SPON2: variants seen among roughly 807,000 people sequenced by gnomAD.
SPON2 encodes spondin 2.
SPON2 carries 32 observed loss-of-function variants against 29.9 expected under a neutral mutation model. The ratio of observed to expected loss-of-function variants is 1.07; its 90% CI spans 0.81 to 1.44. The LOEUF is 1.44. SPON2 is among the 40% of genes most tolerant of loss of function. The pLI, the probability that SPON2 is intolerant of heterozygous loss-of-function variation, is 0.00. For missense variants in SPON2, 541 were observed against 455.5 expected (o/e 1.19, Z -1.71); for synonymous variants, 248 against 209.1 (o/e 1.19, Z -1.61).
In SPON2 at chr4:1,180,380, TACA is replaced by T. The variant is rs1042626582; in HGVS notation, c.-238-842_-238-840del. Among the ~76,000 whole-genome samples, 91 of 152,242 alleles carry T rather than the reference TACA, an allele frequency of 6.0e-4. 1 individual carries two copies. Among genetic ancestry groups the T allele is most frequent in the African/African-American group, 2.0e-3 (85 of 41,568 alleles). Reference sequence around the variant, plus strand: ...TAATTCAGAAAAGTTAATAATAAACTACAACAAACTCTGGGGGAATGGAGGTGT... The same window carrying T: ...TAATTCAGAAAAGTTAATAATAAACTACAAACTCTGGGGGAATGGAGGTGT... On this transcript the variant is annotated intron_variant, in intron 1 of 3. Transcript: ENST00000502483.
upstream of SPON2, among the ~76,000 whole-genome samples, chr4:1,195,681 C>A (rs1009252972): frequency 2.6e-5 from 4 of 152,236 alleles, no homozygotes; most frequent in Non-Finnish European, 5.9e-5. Flanking sequence ...CTGGTCATGG[C>A]CAGCAGCCCT....
chr4:1,201,196 G>A (rs756967333), intron 1 of SPON2: 22 of 445,286 alleles, frequency 4.9e-5, no homozygotes, highest in East Asian at 2.1e-4. Flanking sequence ...CCCTCCCCCC[G>A]CAGTATGTGG....
chr4:1,178,497 C>T (rs1411944706), intron 2 of SPON2, among the ~76,000 whole-genome samples: 1 of 152,098 alleles, frequency 6.6e-6, no homozygotes, highest in East Asian at 1.9e-4. Flanking sequence ...CTTCAGCACC[C>T]GCTGACTTCC....
intron 5 of SPON2, among the ~76,000 whole-genome samples, chr4:1,169,416 C>T (rs1727349143): frequency 6.6e-6 from 1 of 152,164 alleles, no homozygotes; most frequent in Non-Finnish European, 1.5e-5. Flanking sequence ...CCCAGTTCAT[C>T]CCAAATGAGG....
upstream of SPON2, among the ~76,000 whole-genome samples, chr4:1,198,434 T>C (rs1728120428): frequency 1.3e-5 from 2 of 152,194 alleles, no homozygotes; most frequent in African/African-American, 4.8e-5. Context: ...TGGAAAACTC[T>C]GTAATTCATC....
intron 1 of SPON2, among the ~76,000 whole-genome samples, chr4:1,207,002 T>C (rs1464780252): frequency 1.3e-5 from 2 of 149,432 alleles, no homozygotes; most frequent in Non-Finnish European, 3.0e-5. Flanking sequence ...GATGGTGTCA[T>C]TTGGGAGTGG....
chr4:1,188,901 C>T (rs950004881), intron 1 of SPON2, among the ~76,000 whole-genome samples: 4 of 152,028 alleles, frequency 2.6e-5, no homozygotes, highest in Admixed American at 6.5e-5. Flanking sequence ...CTCAAGTGCA[C>T]GTGGAATGTC....
chr4:1,167,944 C>T (rs1267194312), intron 5 of SPON2: 7 of 345,692 alleles, frequency 2.0e-5, no homozygotes, highest in Admixed American at 4.8e-5. Flanking sequence ...GAGTAAGGGG[C>T]CCCTGGGAAC....
At chr4:1,200,671 GC>G in intron 1 of SPON2, 1 of 382,952 alleles carries the variant, frequency 2.6e-6, no homozygotes, top group Non-Finnish European at 5.3e-6. Context: ...GCCACTGCAG[GC>G]CAGGTGTGGA....
rs76791479 is a variant in SPON2, at chr4:1,182,048, G to A, written c.-238-2507C>T. Among the ~76,000 whole-genome samples, 819 of 152,228 alleles carry A rather than the reference G, an allele frequency of 5.4e-3. 7 individuals are homozygous for A. The highest frequency in any genetic ancestry group is 0.031 in the Middle Eastern group (9 of 294). ...AGAAGACCTTATGTTTGTACCTAAC[G>A]CTGACCCTTGGCACAGAGAAAGCCT... On this transcript the variant is annotated intron_variant, in intron 1 of 3. Coordinates refer to the SPON2 transcript ENST00000502483.
At chr4:1,189,543 C>T (rs1210684171) in intron 1 of SPON2, among the ~76,000 whole-genome samples, 1 of 148,036 alleles carries the variant, frequency 6.8e-6, no homozygotes, top group African/African-American at 2.5e-5. Flanking sequence ...GTCCCAGCTA[C>T]CTGGGAGGCT....
intron 1 of SPON2, among the ~76,000 whole-genome samples, chr4:1,183,871 AAAG>A (rs1727745256): frequency 6.6e-6 from 1 of 152,252 alleles, no homozygotes; most frequent in South Asian, 2.1e-4. Context: ...ACTAAACCTA[AAAG>A]AAGACAGTAA....
upstream of SPON2, among the ~76,000 whole-genome samples, chr4:1,173,495 G>C (rs888356073): frequency 1.3e-5 from 2 of 152,224 alleles, no homozygotes; most frequent in African/African-American, 2.4e-5. Context: ...CTGCCTTTGG[G>C]ATGAAGCTAA....
chr4:1,172,026 C>G lies in SPON2; in HGVS notation c.46G>C (p.Ala16Pro). The G allele has an allele frequency of 6.2e-7, 1 of 1,612,610 alleles. No individual in the cohort carries two copies. Among genetic ancestry groups the G allele is most frequent in the Non-Finnish European group, 8.5e-7 (1 of 1,179,832 alleles). The change falls in exon 2 of 6, where the codon GCT becomes CCT. Residue 16 changes from alanine to proline, a missense_variant. Physicochemically the swap from Ala to Pro is conservative, Grantham distance 27. Coordinates refer to ENST00000290902, the MANE Select transcript of SPON2 (RefSeq NM_012445.4). The stretch of plus-strand genomic sequence containing the variant: ...GCGCCGAGAGTGGCCAGGAGGAGAG[C>G]GCAGAGGGCCTTGCCCAGGGCGGCG... ...PAAALGKALC[A>P]LLLATLGAAG...
At chr4:1,170,365 G>A (rs760997431) in intron 5 of SPON2, 37 bp downstream of exon 5, 1 of 1,592,812 alleles carries the variant, frequency 6.3e-7, no homozygotes, top group Non-Finnish European at 8.5e-7. Flanking sequence ...AGGGTTCGGG[G>A]CTGCTGTGTG....
At position 1,186,349 on chromosome 4, in the gene SPON2, G is replaced by C. The variant is rs564447716; in HGVS notation, c.-238-6808C>G. On this transcript the variant is annotated intron_variant, in intron 1 of 3. Coordinates refer to the SPON2 transcript ENST00000502483. The stretch of plus-strand genomic sequence containing the variant: ...GATGGAGTCTCCCTCTGTCACCCAG[G>C]CTGGGGTGCAGTGGTGCAATCTTGG... 1.4e-4 allele frequency among the ~76,000 whole-genome samples: 22 copies of C among 151,732 alleles called. No homozygotes were observed. The South Asian group carries it at 4.6e-3, about 32-fold the overall frequency.
chr4:1,190,175 T>C (rs906909895), intron 1 of SPON2, among the ~76,000 whole-genome samples: 2 of 150,962 alleles, frequency 1.3e-5, no homozygotes, highest in Non-Finnish European at 2.9e-5. Flanking sequence ...AATTAAATAA[T>C]CTAAATGAAA....
chr4:1,174,524 C>CA (rs964726266), upstream of SPON2, among the ~76,000 whole-genome samples: 2 of 136,950 alleles, frequency 1.5e-5, no homozygotes. Context: ...AAAACAAAAA[C>CA]AAAAAAAACT....
intron 1 of SPON2, among the ~76,000 whole-genome samples, chr4:1,186,069 C>A (rs560567440): frequency 5.6e-5 from 8 of 142,800 alleles, no homozygotes; most frequent in African/African-American, 2.0e-4. Context: ...ACGGTGAAAC[C>A]CCATCTCTAC....
Sources: gnomAD v4.1 joint callset for allele counts (sites outside exome capture counted in the v4.1 genomes callset) on GRCh38, gnomAD v4.1.1 for gene constraint, MANE v1.5 for transcripts, NCBI Gene and HGNC (gene_info 2026-07-23, HGNC 2026-07-21) for gene names.